Variants in TIMM23 observed in about 807,000 individuals in gnomAD.
TIMM23 encodes the protein mitochondrial import inner membrane translocase subunit Tim23.
Under a neutral mutation model 30.7 loss-of-function variants are expected in TIMM23, and 19 were observed. The ratio of observed to expected loss-of-function variants is 0.62; its 90% CI spans 0.43 to 0.91. The LOEUF is 0.91. Among genes scored for constraint, TIMM23 ranks in the 40% least tolerant of loss-of-function variants. The pLI is 0.00. For missense variants in TIMM23, 202 were observed against 269.2 expected (o/e 0.75, Z 1.75); for synonymous variants, 78 against 98.5 (o/e 0.79, Z 1.23).
At chr10:45,974,714 A>T (rs1837612632) in intron 1 of TIMM23, among the ~76,000 whole-genome samples, 1 of 152,234 alleles carries the variant, frequency 6.6e-6, no homozygotes, top group African/African-American at 2.4e-5. Context: ...TGGTAGCAAT[A>T]GAGAAGATAA....
chr10:45,996,964 C>CA lies in TIMM23; in HGVS notation c.515-6236dup, dbSNP rs1467134430. ...TGGACGACAGAGTGAGACCCTGTGTCAAACAAAAAAAAAAAAAAAAAGATA... is the reference window on the plus strand; with the variant it reads ...TGGACGACAGAGTGAGACCCTGTGTCAAAACAAAAAAAAAAAAAAAAAGATA... On this transcript the variant is annotated intron_variant, in intron 6 of 6. Coordinates refer to ENST00000580018, the MANE Select transcript of TIMM23 (RefSeq NM_006327.4). Among the ~76,000 whole-genome samples the CA allele has an allele frequency of 3.2e-3, 358 of 111,772 alleles. 15 individuals are homozygous for CA. The highest frequency in any genetic ancestry group is 9.6e-3 in the East Asian group (38 of 3,946). 73.3% of individuals were successfully genotyped at this position (111,772 alleles called of 152,430 possible). A position where few individuals can be genotyped will look rare whatever the true frequency, so the allele number is the denominator to read the frequency against.
At chr10:45,984,927 T>C in intron 4 of TIMM23, 1 of 174,692 alleles carries the variant, frequency 5.7e-6, no homozygotes, top group South Asian at 1.2e-4. Flanking sequence ...TTCTTTACTT[T>C]GATTATCTTT....
intron 2 of TIMM23, among the ~76,000 whole-genome samples, chr10:45,981,512 A>G (rs1391552026): frequency 3.9e-5 from 6 of 152,002 alleles, no homozygotes; most frequent in Non-Finnish European, 7.4e-5. Context: ...ATGTGATGAG[A>G]GTGGATGTGT....
chr10:45,986,107 A>G (rs1348776050), intron 5 of TIMM23, among the ~76,000 whole-genome samples: 3 of 152,178 alleles, frequency 2.0e-5, no homozygotes, highest in African/African-American at 7.2e-5. Context: ...GTGGCAGATT[A>G]AGGAGGGGAA....
intron 6 of TIMM23, 46 bp from the exon 7 acceptor site, chr10:46,003,157 A>C (rs782302578): frequency 6.9e-7 from 1 of 1,450,184 alleles, no homozygotes; most frequent in South Asian, 1.1e-5. Flanking sequence ...CTAGGGCACT[A>C]TGCAATATAC....
intron 6 of TIMM23, chr10:45,998,378 A>T: frequency 1.0e-5 from 10 of 985,364 alleles, no homozygotes; most frequent in Non-Finnish European, 1.2e-5. Context: ...CTACATAAGG[A>T]TCCCAAAATA....
chr10:45,999,623 C>T (rs1202747978), intron 6 of TIMM23, among the ~76,000 whole-genome samples: 1 of 152,010 alleles, frequency 6.6e-6, no homozygotes, highest in Non-Finnish European at 1.5e-5. Context: ...GGAGGCAGGG[C>T]GAGATCATAG....
intron 2 of TIMM23, among the ~76,000 whole-genome samples, chr10:45,982,132 CA>C (rs1386242444): frequency 1.3e-5 from 2 of 152,164 alleles, no homozygotes; most frequent in African/African-American, 4.8e-5. Context: ...TGGCTTTATA[CA>C]TAGAAAAATG....
At chr10:45,984,091 C>G (rs1214661355) in intron 4 of TIMM23, among the ~76,000 whole-genome samples, 1 of 151,826 alleles carries the variant, frequency 6.6e-6, no homozygotes, top group Non-Finnish European at 1.5e-5. Flanking sequence ...TCTGTCCATG[C>G]TTTACCAGCC....
intron 6 of TIMM23, among the ~76,000 whole-genome samples, chr10:46,000,937 T>A (rs1838512751): frequency 6.6e-6 from 1 of 152,210 alleles, no homozygotes; most frequent in Admixed American, 6.5e-5. Flanking sequence ...TTTGAGTTAC[T>A]ACATTTTGGC....
Position 45,985,403 on chromosome 10 carries a change from G to A in TIMM23, c.365G>A (p.Arg122Lys). 1 of 1,613,454 alleles carries A rather than the reference G, an allele frequency of 6.2e-7. No individual in the cohort carries two copies. The highest frequency in any genetic ancestry group is 8.5e-7 in the Non-Finnish European group (1 of 1,179,562). Residue 122 changes from arginine to lysine, a missense_variant, in exon 5 of 7, where the codon AGG (arginine) becomes AAG (lysine). Arg to Lys is a conservative substitution (Grantham distance 26). Transcript: ENST00000580018. ...GATAGGATTTTGAATATGGTGACTA[G>A]GCAAGGGGCACTTTGGGCTAATACT... ...RNVQILNMVT[R>K]QGALWANTLG...
intron 2 of TIMM23, 45 bp downstream of exon 2, chr10:45,975,557 T>TA (rs782423544): frequency 1.4e-5 from 22 of 1,609,118 alleles, no homozygotes; most frequent in Admixed American, 5.1e-5. Flanking sequence ...TTTACCATTT[T>TA]AAAAAAAACG....
intron 2 of TIMM23, 26 bp downstream of exon 2, chr10:45,975,538 G>T (rs782194078): frequency 9.9e-6 from 16 of 1,612,828 alleles, no homozygotes; most frequent in Non-Finnish European, 8.5e-7. Flanking sequence ...TACTAGTTTG[G>T]TGCATTATTT....
At chr10:45,983,695 G>A (rs1837915545) in intron 4 of TIMM23, among the ~76,000 whole-genome samples, 1 of 152,124 alleles carries the variant, frequency 6.6e-6, no homozygotes, top group Non-Finnish European at 1.5e-5. Context: ...GCCAGCAGAT[G>A]GCACCAGATG....
At chr10:45,976,254 T>TG (rs1417753228) in intron 2 of TIMM23, among the ~76,000 whole-genome samples, 3 of 151,284 alleles carry the variant, frequency 2.0e-5, no homozygotes, top group Non-Finnish European at 2.9e-5. Context: ...AAAGACCACA[T>TG]GCTTATCTCA....
intron 5 of TIMM23, among the ~76,000 whole-genome samples, chr10:45,987,584 C>G (rs1838026247): frequency 6.7e-6 from 1 of 150,278 alleles, no homozygotes; most frequent in South Asian, 2.1e-4. Flanking sequence ...CGAGGGAACA[C>G]ATACTTAACA....
At chr10:45,983,776 C>T (rs1837918575) in intron 4 of TIMM23, among the ~76,000 whole-genome samples, 1 of 152,204 alleles carries the variant, frequency 6.6e-6, no homozygotes, top group East Asian at 1.9e-4. Context: ...CAGGGCCTTG[C>T]TGTGTTGCCT....
At chr10:45,984,941 A>G (rs1233136268) in intron 4 of TIMM23, 21 of 181,392 alleles carry the variant, frequency 1.2e-4, no homozygotes, top group Non-Finnish European at 1.8e-4. Flanking sequence ...TATCTTTAAC[A>G]TTCTAAGCAT....
intron 6 of TIMM23, chr10:46,002,530 T>G: frequency 1.0e-6 from 1 of 981,236 alleles, no homozygotes; most frequent in Non-Finnish European, 1.2e-6. Context: ...TTGTTAATAC[T>G]CTTTCCAAAT....
Sources: allele counts gnomAD v4.1 joint callset (sites outside exome capture counted in the v4.1 genomes callset), GRCh38; gene constraint gnomAD v4.1.1; transcripts MANE v1.5; gene names NCBI Gene and HGNC (gene_info 2026-07-23, HGNC 2026-07-21).